The following GIPR variants were observed in gnomAD, a reference collection of about 807,000 sequenced individuals.
GIPR encodes the protein gastric inhibitory polypeptide receptor.
In GIPR, 74 loss-of-function variants were observed where a neutral mutation model predicts 62.2. The observed-to-expected ratio is 1.19, with a 90% CI of 0.99 to 1.44. The LOEUF (loss-of-function observed/expected upper bound fraction) is 1.44. Ranked by LOEUF, GIPR falls within the 40% of genes most tolerant of loss-of-function variation. The pLI is 0.00. For missense variants in GIPR, 664 were observed against 611.8 expected (o/e 1.09, Z -0.90); for synonymous variants, 256 against 262.2 (o/e 0.98, Z 0.23).
At chr19:45,677,220 C>T (rs1966985036) in intron 8 of GIPR, 103 bp from the exon 9 acceptor site, 4 of 1,383,538 alleles carry the variant, frequency 2.9e-6, no homozygotes, top group Non-Finnish European at 4.0e-6. Flanking sequence ...CTTCTGCCTT[C>T]CCCACCCCGA....
At position 45,681,600 on chromosome 19, in the gene GIPR, G is replaced by T. The variant is rs201575060; in HGVS notation, c.1153-4G>T. ...GATGTAACCTCCGCGCCTCCTCTGGGCAGGGCTTCCTGGTCAGCGTCCTCT... is the reference window on the plus strand; with the variant it reads ...GATGTAACCTCCGCGCCTCCTCTGGTCAGGGCTTCCTGGTCAGCGTCCTCT... On this transcript the variant is annotated splice_polypyrimidine_tract_variant and splice_region_variant and intron_variant, in intron 12 of 13. Transcript: ENST00000590918. 8.7e-6 allele frequency: 14 copies of T among 1,613,602 alleles called. No homozygotes were observed. In the East Asian group the frequency reaches 2.7e-4, roughly 31 times the overall value.
At chr19:45,676,012 T>C (rs1975834703) in intron 7 of GIPR, among the ~76,000 whole-genome samples, 1 of 152,056 alleles carries the variant, frequency 6.6e-6, no homozygotes, top group South Asian at 2.1e-4. Context: ...AAGACCAGCC[T>C]GACCAACATA....
chr19:45,674,024 C>G (rs1309663013), intron 5 of GIPR, 50 bp from the exon 6 acceptor site: 1 of 1,056,202 alleles, frequency 9.5e-7, no homozygotes, highest in Non-Finnish European at 1.5e-6. Flanking sequence ...CTCTCTGGGC[C>G]TGGGGCTTCG....
At position 45,678,160 on chromosome 19, in the gene GIPR, G is replaced by A. The variant is rs1443165087; in HGVS notation, c.1086G>A (p.Glu362=). ...VHEVVFAPVT[E]EQARGALRFA... is the part of the protein sequence containing the mutation. The stretch of plus-strand genomic sequence containing the variant: ...AGGTGGTGTTTGCTCCCGTGACAGA[G>A]GAACAGGCCCGGGGCGCCCTGCGCT... Residue 362 remains glutamate, a synonymous_variant, in exon 12 of 14, where the codon GAG becomes GAA. Coordinates refer to ENST00000590918, the MANE Select transcript of GIPR (RefSeq NM_000164.4). 1.2e-6 allele frequency: 2 copies of A among 1,608,376 alleles called. No homozygotes were observed. The highest frequency in any genetic ancestry group is 1.7e-5 in the Admixed American group (1 of 59,248).
chr19:45,673,945 G>C (rs761050678), intron 5 of GIPR, 129 bp from the exon 6 acceptor site: 2 of 763,606 alleles, frequency 2.6e-6, no homozygotes, highest in Non-Finnish European at 4.8e-6. Flanking sequence ...TCTCAAATAA[G>C]GGTAAGCAGT....
At chr19:45,679,336 G>C (rs1000497732) in intron 12 of GIPR, among the ~76,000 whole-genome samples, 1 of 152,014 alleles carries the variant, frequency 6.6e-6, no homozygotes, top group Admixed American at 6.6e-5. Flanking sequence ...AGAAAAATTA[G>C]CTGGATGTGG....
chr19:45,675,150 C>T (rs1055449488), intron 7 of GIPR: 7 of 346,026 alleles, frequency 2.0e-5, no homozygotes, highest in South Asian at 1.1e-4. Context: ...TGGCAGGATA[C>T]GAGAAAGTAA....
intron 1 of GIPR, among the ~76,000 whole-genome samples, chr19:45,668,620 T>C (rs1030239690): frequency 6.6e-6 from 1 of 152,230 alleles, no homozygotes; most frequent in African/African-American, 2.4e-5. Context: ...CCTCCGTCTC[T>C]GCGCCTCTCA....
intron 4 of GIPR, among the ~76,000 whole-genome samples, chr19:45,671,669 G>A (rs1268428994): frequency 6.6e-6 from 1 of 152,174 alleles, no homozygotes; most frequent in Non-Finnish European, 1.5e-5. Context: ...GGATGAACTC[G>A]GCTCACTGCA....
At chr19:45,674,214 T>C (rs1397279005) in intron 6 of GIPR, 37 bp downstream of exon 6, 1 of 1,318,446 alleles carries the variant, frequency 7.6e-7, no homozygotes, top group Admixed American at 1.7e-5. Context: ...GGCAGAGATG[T>C]GAGCTCGGCC....
intron 12 of GIPR, among the ~76,000 whole-genome samples, chr19:45,679,786 T>C (rs1364866295): frequency 6.6e-6 from 1 of 151,756 alleles, no homozygotes; most frequent in African/African-American, 2.4e-5. Context: ...TTTTTTTTTT[T>C]GAGACAGAGT....
chr19:45,678,607 C>T (rs1281092360), intron 12 of GIPR, among the ~76,000 whole-genome samples: 1 of 152,212 alleles, frequency 6.6e-6, no homozygotes, highest in Non-Finnish European at 1.5e-5. Flanking sequence ...GGGTAGTCCA[C>T]CCGCCTCGGC....
chr19:45,677,090 TA>T lies in GIPR; in HGVS notation c.776del (p.Tyr259SerfsTer17), dbSNP rs1375250410. ...GGSEEGHFRY[Y>X]LLLGWGAPAL... is the part of the protein sequence containing the mutation. ...CTCCGAGGAGGGCCACTTCCGCTAC[TA>T]CCTGCTCCTCGGCTGGGGTGAGCTC... On this transcript the variant is annotated frameshift_variant, in exon 8 of 14. Transcript: ENST00000590918. LOFTEE classifies it high-confidence loss of function. 2.5e-6 allele frequency: 4 copies of T among 1,613,768 alleles called. No individual in the cohort carries two copies. The highest frequency in any genetic ancestry group is 1.7e-4 in the Middle Eastern group (1 of 6,036).
At position 45,671,397 on chromosome 19, in the gene GIPR, G is replaced by T; in HGVS notation, c.280+5G>T. 1 of 1,567,470 alleles carries T rather than the reference G, an allele frequency of 6.4e-7. No individual in the cohort carries two copies. Reference sequence around the variant, plus strand: ...ACCTGCCCTGGCACCACCATGGTGAGGTGCTCCCTGGGCCCGGAGCCCTCC... The same window carrying T: ...ACCTGCCCTGGCACCACCATGGTGATGTGCTCCCTGGGCCCGGAGCCCTCC... On this transcript the variant is annotated splice_donor_5th_base_variant and intron_variant, in intron 4 of 13. Coordinates refer to ENST00000590918, the MANE Select transcript of GIPR (RefSeq NM_000164.4).
At chr19:45,674,020 G>A in intron 5 of GIPR, 54 bp from the exon 6 acceptor site, 1 of 1,002,946 alleles carries the variant, frequency 1.0e-6, no homozygotes, top group East Asian at 2.4e-5. Flanking sequence ...GTCTCTCTCT[G>A]GGCCTGGGGC....
intron 7 of GIPR, chr19:45,675,048 C>A: frequency 3.4e-6 from 2 of 590,646 alleles, no homozygotes; most frequent in East Asian, 3.1e-5. Context: ...CTATCACTCC[C>A]ATACTGGAAT....
intron 3 of GIPR, 116 bp from the exon 4 acceptor site, chr19:45,671,169 G>A (rs1160024576): frequency 1.4e-6 from 1 of 739,248 alleles, no homozygotes; most frequent in Non-Finnish European, 2.4e-6. Flanking sequence ...GGCTTGGTGT[G>A]GCCGGCGGAG....
rs1245455628 is a variant in GIPR, at chr19:45,681,421, GGAGGTA to G, written c.1153-177_1153-172del. Among the ~76,000 whole-genome samples the G allele has an allele frequency of 4.6e-5, 7 of 152,300 alleles. No individual in the cohort carries two copies. The South Asian group carries it at 1.4e-3, about 32-fold the overall frequency. ...GAAGCAGGATAATCACTTGAACCCG[GGAGGTA>G]GAGGTTGCCGTTTGCCGAGATCGTG... On this transcript the variant is annotated intron_variant, in intron 12 of 13. Coordinates refer to ENST00000590918, the MANE Select transcript of GIPR (RefSeq NM_000164.4).
rs1212577985 is a variant in GIPR, at chr19:45,676,950, C to T, written c.635C>T (p.Ala212Val). 6.2e-7 allele frequency: 1 copy of T among 1,613,874 alleles called. No individual in the cohort carries two copies. The highest frequency in any genetic ancestry group is 1.1e-5 in the South Asian group (1 of 91,086). ...TCTACCGGTCTGGCCCCTCCCTAGG[C>T]CCTCGCTGCCTGCCGCACGGCCCAG... ...GDQALALWNQ[A>V]LAACRTAQIV... The change falls in exon 8 of 14, where the codon GCC becomes GTC. Residue 212 changes from alanine to valine, a missense_variant and splice_region_variant. By Grantham distance (64) the Ala-to-Val change is moderately conservative. Coordinates refer to ENST00000590918, the MANE Select transcript of GIPR (RefSeq NM_000164.4).
Sources: gnomAD v4.1 joint callset for allele counts (sites outside exome capture counted in the v4.1 genomes callset) on GRCh38, gnomAD v4.1.1 for gene constraint, MANE v1.5 for transcripts, NCBI Gene and HGNC (gene_info 2026-07-23, HGNC 2026-07-21) for gene names.